The following PIK3R3 variants were observed in gnomAD, a reference collection of about 807,000 sequenced individuals.
The protein encoded by PIK3R3 is phosphatidylinositol 3-kinase regulatory subunit gamma.
Under a neutral mutation model 62.9 loss-of-function variants are expected in PIK3R3, and 64 were observed. That is an observed-to-expected ratio of 1.02 (90% confidence interval 0.83 to 1.25). The LOEUF (loss-of-function observed/expected upper bound fraction) is 1.25. PIK3R3 is among the 50% of genes most tolerant of loss of function. The pLI, the probability that PIK3R3 is intolerant of heterozygous loss-of-function variation, is 0.00. For missense variants in PIK3R3, 614 were observed against 561.6 expected, an observed-to-expected ratio of 1.09 and a Z score of -0.94; for synonymous variants, 165 against 189.0, an observed-to-expected ratio of 0.87 and a Z score of 1.04.
chr1:46,160,529 A>G, the PIK3R3 span, among the ~76,000 whole-genome samples: 1 of 152,232 alleles, frequency 6.6e-6, no homozygotes, highest in Non-Finnish European at 1.5e-5. Flanking sequence ...CCAGGAGCTC[A>G]AAAAAATCTT....
At chr1:46,091,739 G>A (rs1282532166) in intron 1 of PIK3R3, among the ~76,000 whole-genome samples, 1 of 152,068 alleles carries the variant, frequency 6.6e-6, no homozygotes, top group Non-Finnish European at 1.5e-5. Context: ...TCATAGGATT[G>A]CTTCCAGGAC....
intron 1 of PIK3R3, among the ~76,000 whole-genome samples, chr1:46,129,882 T>C (rs976618682): frequency 6.6e-6 from 1 of 152,246 alleles, no homozygotes; most frequent in Non-Finnish European, 1.5e-5. Flanking sequence ...TATTTTTCAG[T>C]ATTCTCAATA....
chr1:46,046,188 CA>C (rs1184491144), intron 8 of PIK3R3, 100 bp from the exon 9 acceptor site: 1 of 744,204 alleles, frequency 1.3e-6, no homozygotes, highest in Non-Finnish European at 2.2e-6. Flanking sequence ...CCACAAATAA[CA>C]AAGCAAAATT....
the PIK3R3 span, among the ~76,000 whole-genome samples, chr1:46,165,971 C>T: frequency 6.6e-6 from 1 of 150,858 alleles, no homozygotes; most frequent in Non-Finnish European, 1.5e-5. Flanking sequence ...GACGGGGTTT[C>T]ACCTGTGTTA....
At chr1:46,045,459 C>CA (rs1647083785) in intron 9 of PIK3R3, among the ~76,000 whole-genome samples, 1 of 152,024 alleles carries the variant, frequency 6.6e-6, no homozygotes, top group Admixed American at 6.6e-5. Context: ...AAAACACGCC[C>CA]ACATTTCCTG....
chr1:46,141,611 T>C, the PIK3R3 span, among the ~76,000 whole-genome samples: 1 of 152,332 alleles, frequency 6.6e-6, no homozygotes, highest in African/African-American at 2.4e-5. Context: ...GATCATATAA[T>C]TTTAGAATAA....
At chr1:46,085,947 C>T (rs1332750431) in intron 1 of PIK3R3, among the ~76,000 whole-genome samples, 1 of 152,032 alleles carries the variant, frequency 6.6e-6, no homozygotes, top group East Asian at 1.9e-4. Flanking sequence ...ATTACGTTGC[C>T]CAAGCTGGTC....
chr1:46,117,147 A>C (rs1654256440), intron 1 of PIK3R3, among the ~76,000 whole-genome samples: 1 of 152,210 alleles, frequency 6.6e-6, no homozygotes, highest in South Asian at 2.1e-4. Flanking sequence ...TCTGAAAGTA[A>C]ATTGGCTGGG....
intron 1 of PIK3R3, among the ~76,000 whole-genome samples, chr1:46,088,099 A>G (rs768921754): frequency 1.8e-4 from 27 of 152,370 alleles, no homozygotes; most frequent in Non-Finnish European, 3.7e-4. Context: ...AAATGGTTAA[A>G]AACAGCTGAG....
chr1:46,089,486 TG>T (rs1651402124), intron 1 of PIK3R3, among the ~76,000 whole-genome samples: 1 of 151,928 alleles, frequency 6.6e-6, no homozygotes, highest in Admixed American at 6.6e-5. Flanking sequence ...GAGGCCAAGG[TG>T]GGCGGATCAC....
intron 2 of PIK3R3, among the ~76,000 whole-genome samples, chr1:46,078,551 A>T (rs535779656): frequency 1.2e-3 from 176 of 152,240 alleles, no homozygotes; most frequent in African/African-American, 3.7e-3. Context: ...CAAAAAAAAA[A>T]TTTTTTTAAT....
chr1:46,094,575 C>A (rs1349753738), intron 1 of PIK3R3, among the ~76,000 whole-genome samples: 1 of 152,128 alleles, frequency 6.6e-6, no homozygotes, highest in African/African-American at 2.4e-5. Context: ...ACAAAATTTC[C>A]CCCCAGCATC....
At chr1:46,071,660 C>T (rs984056127) in intron 3 of PIK3R3, among the ~76,000 whole-genome samples, 4 of 133,528 alleles carry the variant, frequency 3.0e-5, no homozygotes, top group East Asian at 4.4e-4. Context: ...CGCGCCATTA[C>T]ACTCTAGCCT....
At chr1:46,152,626 G>GCA in the PIK3R3 span, among the ~76,000 whole-genome samples, 2 of 144,906 alleles carry the variant, frequency 1.4e-5, no homozygotes, top group African/African-American at 2.6e-5. Context: ...GCAGTGGCGT[G>GCA]ATCTCTGCTC....
chr1:46,169,575 G>A, the PIK3R3 span, among the ~76,000 whole-genome samples: 1 of 152,138 alleles, frequency 6.6e-6, no homozygotes, highest in South Asian at 2.1e-4. Context: ...GGAGATTTGA[G>A]GCCCAGAGAT....
intron 1 of PIK3R3, among the ~76,000 whole-genome samples, chr1:46,113,163 A>G (rs564450935): frequency 6.6e-6 from 1 of 151,962 alleles, no homozygotes; most frequent in Non-Finnish European, 1.5e-5. Context: ...TCTCTTCCCT[A>G]CTTAAAACCA....
Position 46,066,188 on chromosome 1 carries a change from G to A in PIK3R3, c.496-9C>T, listed in dbSNP as rs370393947. 28 of 1,528,842 alleles carry A rather than the reference G, an allele frequency of 1.8e-5. No individual in the cohort carries two copies. Among genetic ancestry groups the A allele is most frequent in the Non-Finnish European group, 2.2e-5 (25 of 1,118,092 alleles). 94.7% of individuals were successfully genotyped at this position (1,528,842 alleles called of 1,614,324 possible). Reference sequence around the variant, plus strand: ...TCTTTTACCAACTGATCCTATACAGGTAAAGAAAAAAATAAAGAATGTTAA... The same window carrying A: ...TCTTTTACCAACTGATCCTATACAGATAAAGAAAAAAATAAAGAATGTTAA... On this transcript the variant is annotated splice_polypyrimidine_tract_variant and intron_variant, in intron 4 of 9. Transcript: ENST00000262741.
At chr1:46,113,123 AATCT>A (rs1315487708) in intron 1 of PIK3R3, among the ~76,000 whole-genome samples, 1 of 151,918 alleles carries the variant, frequency 6.6e-6, no homozygotes, top group Non-Finnish European at 1.5e-5. Context: ...ATTCTCCTCC[AATCT>A]ATTTTTTACC....
chr1:46,153,239 G>GT, the PIK3R3 span, among the ~76,000 whole-genome samples: 11,066 of 152,180 alleles, frequency 0.073, 508 homozygotes, highest in Admixed American at 0.15. Context: ...TATTTAATAA[G>GT]TTTTTTTACC....
Sources: gnomAD v4.1 joint callset for allele counts (sites outside exome capture counted in the v4.1 genomes callset) on GRCh38, gnomAD v4.1.1 for gene constraint, MANE v1.5 for transcripts, NCBI Gene and HGNC (gene_info 2026-07-23, HGNC 2026-07-21) for gene names.